EML6: variants seen among roughly 807,000 people sequenced by gnomAD.
EML6 encodes the protein EMAP like 6.
In EML6, 154 loss-of-function variants were observed where a neutral mutation model predicts 240.1. The observed-to-expected ratio is 0.64, with a 90% CI of 0.56 to 0.73. EML6 has a LOEUF of 0.73. EML6 is among the 30% of genes least tolerant of loss of function. EML6 has a pLI of 0.00. For missense variants in EML6, 2,964 were observed against 2,474.6 expected (o/e 1.20, Z -4.20); for synonymous variants, 1,148 against 899.0 (o/e 1.28, Z -4.95).
At chr2:54,809,899 C>T (rs955151514) in intron 2 of EML6, among the ~76,000 whole-genome samples, 2 of 151,970 alleles carry the variant, frequency 1.3e-5, no homozygotes, top group African/African-American at 4.8e-5. Context: ...TGGCTGTGCC[C>T]TGGATGATAC....
At chr2:54,898,578 A>G (rs1331291622) in intron 21 of EML6, among the ~76,000 whole-genome samples, 2 of 152,182 alleles carry the variant, frequency 1.3e-5, no homozygotes, top group African/African-American at 4.8e-5. Flanking sequence ...TGTCAGTTGT[A>G]TTTGGAACTT....
At chr2:54,888,322 G>T (rs1672267994) in intron 17 of EML6, among the ~76,000 whole-genome samples, 1 of 152,080 alleles carries the variant, frequency 6.6e-6, no homozygotes, top group Non-Finnish European at 1.5e-5. Flanking sequence ...TCCACCCATG[G>T]TTGCATGCTT....
At position 54,774,546 on chromosome 2, in the gene EML6, T is replaced by A. The variant is rs1453214736; in HGVS notation, c.198-38686T>A. On this transcript the variant is annotated intron_variant, in intron 2 of 41. Transcript: ENST00000356458. The surrounding 1 kb of genome is among the most constrained non-coding windows in gnomAD (Gnocchi z 4.1). ...TACATCACGGGGAGAATGGAAGAGC[T>A]AGCATCTCTGCTACACTACATCATA... Among the ~76,000 whole-genome samples the A allele has an allele frequency of 3.3e-5, 5 of 152,180 alleles. No individual in the cohort carries two copies. The highest frequency in any genetic ancestry group is 7.3e-5 in the Non-Finnish European group (5 of 68,028).
At chr2:54,927,624 C>A (rs1461453956) in intron 26 of EML6, among the ~76,000 whole-genome samples, 1 of 152,194 alleles carries the variant, frequency 6.6e-6, no homozygotes, top group Non-Finnish European at 1.5e-5. Context: ...ACTGCCCTGG[C>A]ATGAGCAGCT....
At position 54,950,756 on chromosome 2, in the gene EML6, G is replaced by A; in HGVS notation, c.4190G>A (p.Gly1397Asp). 6.4e-7 allele frequency: 1 copy of A among 1,551,514 alleles called. No individual in the cohort carries two copies. The highest frequency in any genetic ancestry group is 8.7e-7 in the Non-Finnish European group (1 of 1,146,958). Residue 1397 changes from glycine (G) to aspartate (D), a missense_variant, in exon 30 of 42, where the codon GGC becomes GAC. Gly to Asp is a moderately conservative substitution (Grantham distance 94). Coordinates refer to ENST00000356458, the MANE Select transcript of EML6 (RefSeq NM_001039753.4). ...ADIIFHTAAAGIVQNLSTGSQ... is the reference protein window; with the variant it reads ...ADIIFHTAAADIVQNLSTGSQ... ...ATCATCTTCCACACAGCAGCGGCTG[G>A]CATCGTTCAGAACCTCTCCACAGGT...
chr2:54,912,036 G>A (rs559502875), intron 25 of EML6, among the ~76,000 whole-genome samples: 1 of 152,238 alleles, frequency 6.6e-6, no homozygotes, highest in Non-Finnish European at 1.5e-5. Context: ...ATGCCACTGA[G>A]TGGCAGGCAT....
chr2:54,963,919 A>G, intron 36 of EML6, 67 bp from the exon 37 acceptor site: 2 of 1,442,070 alleles, frequency 1.4e-6, no homozygotes, highest in Non-Finnish European at 1.8e-6. Flanking sequence ...GGCCTGGTGC[A>G]GAATGTCTCC....
At chr2:54,932,539 C>T (rs1264628445) in intron 28 of EML6, among the ~76,000 whole-genome samples, 1 of 152,260 alleles carries the variant, frequency 6.6e-6, no homozygotes, top group African/African-American at 2.4e-5. Flanking sequence ...AACTTTTGAC[C>T]TTATCTCCTT....
chr2:54,915,673 TTGTGACTAAAACTCC>T (rs2104314533), intron 25 of EML6, among the ~76,000 whole-genome samples: 1 of 152,244 alleles, frequency 6.6e-6, no homozygotes, highest in South Asian at 2.1e-4. Flanking sequence ...CCTTACCACG[TTGTGACTAAAACTCC>T]TGGCTGCATC....
At chr2:54,876,976 CA>C (rs1169050761) in intron 16 of EML6, among the ~76,000 whole-genome samples, 8 of 144,216 alleles carry the variant, frequency 5.5e-5, no homozygotes, top group African/African-American at 1.1e-4. Flanking sequence ...ACTCATCATC[CA>C]AAAAAAAATT....
intron 2 of EML6, among the ~76,000 whole-genome samples, chr2:54,726,056 A>G (rs939162736): frequency 7.2e-5 from 11 of 152,244 alleles, no homozygotes; most frequent in African/African-American, 2.4e-4. Flanking sequence ...TCTTTGGACC[A>G]GACACATTTT....
rs149678801 is a variant in EML6, at chr2:54,771,949, T to C, written c.198-41283T>C. Among the ~76,000 whole-genome samples the C allele has an allele frequency of 2.6e-5, 4 of 152,376 alleles. No homozygotes were observed. The East Asian group carries it at 7.7e-4, about 29-fold the overall frequency. On this transcript the variant is annotated intron_variant, in intron 2 of 41. Transcript: ENST00000356458. Reference sequence around the variant, plus strand: ...TCCTACTCAGTGTTAACTAGGACCCTGTAGGCTATACAAACTAAACTGACA... The same window carrying C: ...TCCTACTCAGTGTTAACTAGGACCCCGTAGGCTATACAAACTAAACTGACA...
Position 54,958,996 on chromosome 2 carries a change from C to T in EML6, c.4696-108C>T, listed in dbSNP as rs979634177. 8 of 1,068,856 alleles carry T rather than the reference C, an allele frequency of 7.5e-6. No individual in the cohort carries two copies. In the Admixed American group the frequency reaches 8.3e-5, roughly 11 times the overall value. The allele number at this position is 1,068,856 out of a possible 1,614,324, so 66.2% of individuals were successfully genotyped here. ...CCTTAGCACAAAGAGATCAAACTGC[C>T]TAGGCTGTCTGCATCTCTAGCTCTG... On this transcript the variant is annotated intron_variant, in intron 33 of 41. Coordinates refer to ENST00000356458, the MANE Select transcript of EML6 (RefSeq NM_001039753.4).
At chr2:54,819,908 C>A (rs534272313) in intron 4 of EML6, among the ~76,000 whole-genome samples, 6 of 151,972 alleles carry the variant, frequency 3.9e-5, no homozygotes, top group African/African-American at 1.5e-4. Context: ...ACAGATAAAT[C>A]CCTCTGCCTT....
chr2:54,733,134 C>T (rs1465675032), intron 2 of EML6, among the ~76,000 whole-genome samples: 1 of 152,184 alleles, frequency 6.6e-6, no homozygotes, highest in Non-Finnish European at 1.5e-5. Context: ...TTCCCATTAA[C>T]ACAAAGGAGG....
At chr2:54,948,765 G>A (rs1266748730) in intron 28 of EML6, 117 bp from the exon 29 acceptor site, 10 of 722,794 alleles carry the variant, frequency 1.4e-5, no homozygotes, top group Admixed American at 4.7e-5. Flanking sequence ...CAAGTGGAGG[G>A]GCCTTTGAGG....
At chr2:54,942,216 GAAGTA>G (rs1675466754) in intron 28 of EML6, among the ~76,000 whole-genome samples, 1 of 152,166 alleles carries the variant, frequency 6.6e-6, no homozygotes, top group Non-Finnish European at 1.5e-5. Context: ...TAAAAATCCA[GAAGTA>G]AAGTGTTGGA....
At chr2:54,766,940 C>T (rs1668209717) in intron 2 of EML6, among the ~76,000 whole-genome samples, 1 of 152,100 alleles carries the variant, frequency 6.6e-6, no homozygotes, top group South Asian at 2.1e-4. Context: ...ATACTGAATA[C>T]TTTTCATGAT....
chr2:54,929,730 C>G lies in EML6; in HGVS notation c.4004+979C>G, dbSNP rs538607228. Among the ~76,000 whole-genome samples, 66 of 150,906 alleles carry G rather than the reference C, an allele frequency of 4.4e-4. No homozygotes were observed. In the South Asian group the frequency reaches 6.1e-3, roughly 14 times the overall value. The stretch of plus-strand genomic sequence containing the variant: ...CCTCCTCCTCCTCCTCCTCCTCCTG[C>G]TTAAATTCAGTGCCAGATGTTAAAA... On this transcript the variant is annotated intron_variant, in intron 28 of 41. Transcript: ENST00000356458.
Sources: allele counts gnomAD v4.1 joint callset (sites outside exome capture counted in the v4.1 genomes callset), GRCh38; gene constraint gnomAD v4.1.1; non-coding constraint Gnocchi (gnomAD v3.1); transcripts MANE v1.5; gene names NCBI Gene and HGNC (gene_info 2026-07-23, HGNC 2026-07-21).